The following PAK5 variants were observed in gnomAD, a reference collection of about 807,000 sequenced individuals.
PAK5 encodes the protein serine/threonine-protein kinase PAK 5.
In PAK5, 16 loss-of-function variants were observed where a neutral mutation model predicts 65.9. That is an observed-to-expected ratio of 0.24 (90% CI 0.16 to 0.37). The LOEUF (loss-of-function observed/expected upper bound fraction) is 0.37. PAK5 is among the 10% of genes least tolerant of loss of function. The probability of loss-of-function intolerance (pLI) is 1.00; values close to 1 mark genes in which losing one functional copy is unlikely to be tolerated. For synonymous variants in PAK5, 371 were observed against 354.9 expected (o/e 1.05, Z -0.51); for missense variants, 785 against 903.9 (o/e 0.87, Z 1.69).
At chr20:9,773,799 T>G (rs1418784742) in intron 1 of PAK5, among the ~76,000 whole-genome samples, 1 of 152,222 alleles carries the variant, frequency 6.6e-6, no homozygotes, top group Non-Finnish European at 1.5e-5. Context: ...TTACTGTAGT[T>G]GTCCCATTTT....
intron 9 of PAK5, 21 bp from the exon 10 acceptor site, chr20:9,539,638 C>T: frequency 2.5e-6 from 4 of 1,608,832 alleles, no homozygotes; most frequent in Non-Finnish European, 3.4e-6. Flanking sequence ...ACACAGATAC[C>T]AATCTGAGGA....
intron 1 of PAK5, among the ~76,000 whole-genome samples, chr20:9,806,911 G>T (rs891418928): frequency 6.6e-6 from 1 of 152,108 alleles, no homozygotes; most frequent in African/African-American, 2.4e-5. Flanking sequence ...TGGCAGAGCT[G>T]GTTCTTTCTG....
chr20:9,707,388 G>C (rs2048022173), intron 2 of PAK5, among the ~76,000 whole-genome samples: 2 of 152,182 alleles, frequency 1.3e-5, no homozygotes, highest in African/African-American at 4.8e-5. Context: ...GGGATTATAG[G>C]CATGGCCCCC....
intron 8 of PAK5, 129 bp from the exon 9 acceptor site, chr20:9,542,849 G>T: frequency 3.6e-6 from 3 of 823,164 alleles, no homozygotes; most frequent in Non-Finnish European, 5.7e-6. Context: ...TTACAATATA[G>T]ATTTATAGGC....
chr20:9,596,800 C>G (rs1011282630), intron 3 of PAK5, among the ~76,000 whole-genome samples: 1 of 152,102 alleles, frequency 6.6e-6, no homozygotes, highest in African/African-American at 2.4e-5. Context: ...CAGGCAATTC[C>G]TAGTATTTGA....
intron 3 of PAK5, among the ~76,000 whole-genome samples, chr20:9,583,873 C>G (rs1197426342): frequency 2.0e-5 from 3 of 152,222 alleles, no homozygotes; most frequent in African/African-American, 7.2e-5. Flanking sequence ...TGGAATCATA[C>G]AGTCTGGAGC....
chr20:9,601,530 G>A (rs1277707568), intron 3 of PAK5, among the ~76,000 whole-genome samples: 2 of 152,108 alleles, frequency 1.3e-5, no homozygotes, highest in Non-Finnish European at 2.9e-5. Flanking sequence ...ATTGACTGAG[G>A]TTCCATAGCT....
chr20:9,630,758 C>T (rs1294289979), intron 3 of PAK5, among the ~76,000 whole-genome samples: 1 of 152,182 alleles, frequency 6.6e-6, no homozygotes, highest in Non-Finnish European at 1.5e-5. Flanking sequence ...CATTCCCATG[C>T]CTTGAAATGT....
At chr20:9,573,667 A>C (rs972554484) in intron 4 of PAK5, among the ~76,000 whole-genome samples, 3 of 152,124 alleles carry the variant, frequency 2.0e-5, no homozygotes, top group African/African-American at 4.8e-5. Flanking sequence ...GAGAAGGAAA[A>C]AACAGTACTG....
At chr20:9,643,813 T>C (rs1422082685) in intron 3 of PAK5, among the ~76,000 whole-genome samples, 2 of 152,178 alleles carry the variant, frequency 1.3e-5, no homozygotes, top group Non-Finnish European at 2.9e-5. Flanking sequence ...CCAGAGTGGA[T>C]GGATAATATG....
rs6056908 is a variant in PAK5, at chr20:9,823,899, T to G, written c.-162+14863A>C. On this transcript the variant is annotated intron_variant, in intron 1 of 9. Coordinates refer to ENST00000353224, the MANE Select transcript of PAK5 (RefSeq NM_177990.4). Reference sequence around the variant, plus strand: ...GAAAATACTTTTTACCTTTTTTTTGTGCTTGTAGAAGATTAATCTTAATCA... The same window carrying G: ...GAAAATACTTTTTACCTTTTTTTTGGGCTTGTAGAAGATTAATCTTAATCA... Among the ~76,000 whole-genome samples the G allele has an allele frequency of 1.0e-3, 156 of 151,890 alleles. 1 individual carries two copies. The highest frequency in any genetic ancestry group is 3.5e-3 in the African/African-American group (147 of 41,506).
rs185098396 is a variant in PAK5, at chr20:9,620,985, G to A, written c.204+23140C>T. Among the ~76,000 whole-genome samples, 59 of 136,708 alleles carry A rather than the reference G, an allele frequency of 4.3e-4. No individual in the cohort carries two copies. The East Asian group carries it at 0.012, about 28-fold the overall frequency. The allele number at this position is 136,708 out of a possible 152,430, so 89.7% of individuals were successfully genotyped here. A position where few individuals can be genotyped will look rare whatever the true frequency, so the allele number is the denominator to read the frequency against. On this transcript the variant is annotated intron_variant, in intron 3 of 9. Coordinates refer to ENST00000353224, the MANE Select transcript of PAK5 (RefSeq NM_177990.4). ...AGAGAGAGAGAGAGAGAGAGAGAGA[G>A]AACAATGGCTCAGAACAGATTAAAC...
At position 9,838,588 on chromosome 20, in the gene PAK5, G is replaced by C. The variant is rs994375365; in HGVS notation, c.-162+174C>G. ...CCTATCCCTACCCTCCAGGCAGCAG[G>C]TCCCTAGCCTTTGCATCTCCTAGGA... On this transcript the variant is annotated intron_variant, in intron 1 of 9. Coordinates refer to ENST00000353224, the MANE Select transcript of PAK5 (RefSeq NM_177990.4). This position sits in a 1 kb window ranked among gnomAD's most constrained non-coding sequence, Gnocchi z 4.5. 6.6e-6 allele frequency among the ~76,000 whole-genome samples: 1 copy of C among 152,170 alleles called. No individual in the cohort carries two copies. Among genetic ancestry groups the C allele is most frequent in the Admixed American group, 6.5e-5 (1 of 15,288 alleles).
At chr20:9,566,981 C>T (rs2045694081) in intron 4 of PAK5, among the ~76,000 whole-genome samples, 2 of 152,110 alleles carry the variant, frequency 1.3e-5, no homozygotes, top group Admixed American at 1.3e-4. Context: ...TCCACTCTGA[C>T]TTGGAAGAGT....
intron 1 of PAK5, among the ~76,000 whole-genome samples, chr20:9,728,978 G>A (rs1004033481): frequency 6.6e-6 from 1 of 151,994 alleles, no homozygotes; most frequent in African/African-American, 2.4e-5. Context: ...TTGTATTATG[G>A]TTATACAATA....
chr20:9,711,186 T>C (rs1449866518), intron 2 of PAK5, 100 bp downstream of exon 2: 2 of 152,230 alleles, frequency 1.3e-5, no homozygotes, highest in African/African-American at 2.4e-5. Context: ...ACCCAGAGAA[T>C]ATTGTTGAAT....
intron 1 of PAK5, among the ~76,000 whole-genome samples, chr20:9,827,600 A>C (rs372392601): frequency 6.9e-6 from 1 of 145,602 alleles, no homozygotes; most frequent in African/African-American, 2.5e-5. Flanking sequence ...ACAATCCAGA[A>C]CCATGTGGGA....
At chr20:9,652,548 C>T (rs2047215666) in intron 2 of PAK5, among the ~76,000 whole-genome samples, 1 of 152,216 alleles carries the variant, frequency 6.6e-6, no homozygotes, top group Non-Finnish European at 1.5e-5. Context: ...CTATGTTCCA[C>T]TGGGTGCTTC....
At chr20:9,549,548 A>C (rs530448182) in intron 7 of PAK5, among the ~76,000 whole-genome samples, 2 of 152,258 alleles carry the variant, frequency 1.3e-5, no homozygotes, top group East Asian at 3.9e-4. Flanking sequence ...TATTTTAAAA[A>C]CAGGTGTAGA....
Sources: allele counts gnomAD v4.1 joint callset (sites outside exome capture counted in the v4.1 genomes callset), GRCh38; gene constraint gnomAD v4.1.1; non-coding constraint Gnocchi (gnomAD v3.1); transcripts MANE v1.5; gene names NCBI Gene and HGNC (gene_info 2026-07-23, HGNC 2026-07-21).